Variants in PHC3 observed in about 807,000 individuals in gnomAD.
The protein encoded by PHC3 is polyhomeotic homolog 3.
A neutral mutation model predicts 107.4 loss-of-function variants in PHC3; 13 were observed. That is an observed-to-expected ratio of 0.12 (90% CI 0.08 to 0.19). PHC3 has a LOEUF of 0.19. PHC3 is among the 10% of genes least tolerant of loss of function. The probability of loss-of-function intolerance (pLI) is 1.00; values close to 1 mark genes in which losing one functional copy is unlikely to be tolerated. For missense variants in PHC3, 992 were observed against 1,210.9 expected, an observed-to-expected ratio of 0.82 and a Z score of 2.68; for synonymous variants, 456 against 427.4, an observed-to-expected ratio of 1.07 and a Z score of -0.83.
intron 5 of PHC3, among the ~76,000 whole-genome samples, chr3:170,146,595 C>T (rs1244559064): frequency 1.2e-4 from 17 of 141,682 alleles, no homozygotes; most frequent in Non-Finnish European, 1.7e-4. Flanking sequence ...TGCAGTCATG[C>T]GATCTCAGCT....
intron 7 of PHC3, among the ~76,000 whole-genome samples, chr3:170,134,622 G>GA (rs987570565): frequency 8.0e-5 from 12 of 149,766 alleles, no homozygotes; most frequent in Admixed American, 4.0e-4. Flanking sequence ...ATCCAAGTGG[G>GA]AAAAAAAAAT....
intron 6 of PHC3, among the ~76,000 whole-genome samples, chr3:170,141,777 A>G (rs1724153541): frequency 6.6e-6 from 1 of 151,766 alleles, no homozygotes; most frequent in African/African-American, 2.4e-5. Flanking sequence ...ACGCCCTGCA[A>G]ATTTTTTGTA....
chr3:170,126,543 T>C (rs1255826093), intron 8 of PHC3, among the ~76,000 whole-genome samples: 1 of 113,778 alleles, frequency 8.8e-6, no homozygotes, highest in Non-Finnish European at 1.9e-5. Context: ...TTTTTTTTTT[T>C]CCTTTTTCTT....
intron 11 of PHC3, 123 bp from the exon 12 acceptor site, chr3:170,107,069 C>T: frequency 1.8e-6 from 1 of 566,150 alleles, no homozygotes; most frequent in South Asian, 2.7e-5. Flanking sequence ...TTTCAATCCA[C>T]AGCCACTCTG....
chr3:170,176,225 C>CA (rs375783409), intron 2 of PHC3, among the ~76,000 whole-genome samples: 33,428 of 81,974 alleles, frequency 0.41, 5,168 homozygotes, highest in East Asian at 0.56. Context: ...GACTCGGTCT[C>CA]AAAAAAAAAA....
chr3:170,121,380 C>A (rs997659482), intron 9 of PHC3, among the ~76,000 whole-genome samples: 1 of 152,154 alleles, frequency 6.6e-6, no homozygotes, highest in Non-Finnish European at 1.5e-5. Flanking sequence ...CTAATCCTAA[C>A]ATTCATAAAT....
chr3:170,102,849 G>A lies in PHC3; in HGVS notation c.2554C>T (p.Arg852Cys), dbSNP rs911908781. Reference sequence around the variant, plus strand: ...GCTGCCCCATCAGGGCCACTTGGACGACGGCCACGATGCCCAAGACTTTGA... The same window carrying A: ...GCTGCCCCATCAGGGCCACTTGGACAACGGCCACGATGCCCAAGACTTTGA... ...DNQSLGHRGR[R>C]PSGPDGAARE... is the part of the protein sequence containing the mutation. The change falls in exon 13 of 15, where the codon CGT becomes TGT. Residue 852 changes from arginine (R) to cysteine (C), a missense_variant. Transcript: ENST00000495893. 7.4e-6 allele frequency: 12 copies of A among 1,613,874 alleles called. No individual in the cohort carries two copies. The highest frequency in any genetic ancestry group is 4.0e-5 in the African/African-American group (3 of 75,048).
At chr3:170,156,858 A>G (rs1174240072) in intron 4 of PHC3, among the ~76,000 whole-genome samples, 1 of 152,034 alleles carries the variant, frequency 6.6e-6, no homozygotes, top group East Asian at 1.9e-4. Flanking sequence ...GCCTCCCAAA[A>G]TGCTGGGATT....
chr3:170,109,870 A>T (rs1417043708), intron 11 of PHC3, among the ~76,000 whole-genome samples: 6 of 152,186 alleles, frequency 3.9e-5, no homozygotes, highest in Admixed American at 3.9e-4. Flanking sequence ...AAGCCACTAA[A>T]TAAGTGACCT....
intron 8 of PHC3, among the ~76,000 whole-genome samples, chr3:170,124,137 C>T (rs541551600): frequency 3.9e-4 from 59 of 151,524 alleles, no homozygotes; most frequent in Non-Finnish European, 5.5e-4. Flanking sequence ...CGTGAGCCAC[C>T]GCACCCGGCC....
chr3:170,114,339 C>G (rs569260901), intron 10 of PHC3, among the ~76,000 whole-genome samples: 1 of 152,254 alleles, frequency 6.6e-6, no homozygotes, highest in Middle Eastern at 3.4e-3. Flanking sequence ...GAATGCAAGA[C>G]AAACAAAAGA....
chr3:170,124,814 A>G (rs1466124514), intron 8 of PHC3, among the ~76,000 whole-genome samples: 10 of 152,248 alleles, frequency 6.6e-5, no homozygotes, highest in Admixed American at 3.3e-4. Flanking sequence ...GGATTTCTGA[A>G]ACCAGCAAAA....
intron 6 of PHC3, among the ~76,000 whole-genome samples, chr3:170,140,222 A>C (rs770305734): frequency 6.7e-6 from 1 of 148,390 alleles, no homozygotes; most frequent in Non-Finnish European, 1.5e-5. Flanking sequence ...AGAATTGAGG[A>C]AAAAAACAGC....
At chr3:170,135,136 GTTTT>G (rs746236015) in intron 7 of PHC3, among the ~76,000 whole-genome samples, 15 of 151,432 alleles carry the variant, frequency 9.9e-5, no homozygotes, top group Non-Finnish European at 1.3e-4. Flanking sequence ...AACAAAGGAA[GTTTT>G]TTGTTTGTTT....
intron 11 of PHC3, among the ~76,000 whole-genome samples, chr3:170,111,330 G>A (rs887212128): frequency 2.1e-5 from 3 of 142,742 alleles, no homozygotes; most frequent in Non-Finnish European, 3.1e-5. Context: ...ACGAACGAAC[G>A]AAAGAACAAA....
chr3:170,129,393 G>A lies in PHC3; in HGVS notation c.1079C>T (p.Pro360Leu). Residue 360 changes from proline (P) to leucine (L), a missense_variant, in exon 8 of 15, where the codon CCA (proline) becomes CTA (leucine). Pro to Leu is a moderately conservative substitution (Grantham distance 98, BLOSUM62 -3). Around this residue, in one of 6 missense-constraint regions of PHC3, gnomAD observed 543 missense variants for 590.8 expected, o/e 0.92. Coordinates refer to ENST00000495893, the MANE Select transcript of PHC3 (RefSeq NM_024947.4). ...CTGGAGTGGTATACAGTGCTGGGAT[G>A]GGGGTGGGTCTTGAGTTGAATTCTG... ...TLQNSTQDPP[P>L]SQHCIPLQNH... The A allele has an allele frequency of 6.2e-7, 1 of 1,613,890 alleles. No individual in the cohort carries two copies. The highest frequency in any genetic ancestry group is 8.5e-7 in the Non-Finnish European group (1 of 1,179,876).
intron 4 of PHC3, among the ~76,000 whole-genome samples, chr3:170,166,114 G>A (rs537303363): frequency 4.0e-5 from 6 of 151,450 alleles, no homozygotes; most frequent in South Asian, 2.1e-4. Flanking sequence ...GTGTGATCTC[G>A]GCTCATTGCA....
At chr3:170,143,754 A>G (rs1427615536) in intron 6 of PHC3, among the ~76,000 whole-genome samples, 2 of 152,326 alleles carry the variant, frequency 1.3e-5, no homozygotes, top group East Asian at 1.9e-4. Flanking sequence ...GTTTTGACAT[A>G]TCTATATACC....
chr3:170,139,168 C>T (rs1393182964), intron 6 of PHC3, among the ~76,000 whole-genome samples: 1 of 152,176 alleles, frequency 6.6e-6, no homozygotes, highest in East Asian at 1.9e-4. Context: ...AGTAGACTCT[C>T]ATCTCAACAT....
Sources: gnomAD v4.1 joint callset for allele counts (sites outside exome capture counted in the v4.1 genomes callset) on GRCh38, gnomAD v4.1.1 for gene constraint, gnomAD v4.1.1 regional missense constraint, MANE v1.5 for transcripts, NCBI Gene and HGNC (gene_info 2026-07-23, HGNC 2026-07-21) for gene names.